The following SDK1 variants were observed in gnomAD, a reference collection of about 807,000 sequenced individuals.
SDK1 encodes sidekick cell adhesion molecule 1.
SDK1 carries 157 observed loss-of-function variants against 245.5 expected under a neutral mutation model. That is an observed-to-expected ratio of 0.64 (90% confidence interval 0.56 to 0.73). The LOEUF (loss-of-function observed/expected upper bound fraction) is 0.73. SDK1 is among the 30% of genes least tolerant of loss of function. The probability of loss-of-function intolerance (pLI) is 0.00; values close to 1 mark genes in which losing one functional copy is unlikely to be tolerated. For synonymous variants in SDK1, 1,647 were observed against 1,278.5 expected (o/e 1.29, Z -6.15); for missense variants, 3,583 against 3,002.3 (o/e 1.19, Z -4.52).
intron 4 of SDK1, among the ~76,000 whole-genome samples, chr7:3,681,542 G>A (rs1784101334): frequency 6.6e-6 from 1 of 152,140 alleles, no homozygotes; most frequent in Non-Finnish European, 1.5e-5. Flanking sequence ...TTTTCAAAAT[G>A]ATTTTCTTAA....
At chr7:3,302,861 C>G (rs1401676046) in intron 1 of SDK1, among the ~76,000 whole-genome samples, 2 of 152,148 alleles carry the variant, frequency 1.3e-5, no homozygotes, top group East Asian at 3.8e-4. Context: ...ACTCGATATT[C>G]TGAGATTGGC....
At chr7:3,575,768 C>T (rs1371524252) in intron 1 of SDK1, among the ~76,000 whole-genome samples, 1 of 152,030 alleles carries the variant, frequency 6.6e-6, no homozygotes, top group Non-Finnish European at 1.5e-5. Flanking sequence ...TAGAAACAGG[C>T]TTCCCAGTCT....
At chr7:3,896,904 G>C (rs1583526854) in intron 5 of SDK1, among the ~76,000 whole-genome samples, 1 of 152,166 alleles carries the variant, frequency 6.6e-6, no homozygotes, top group African/African-American at 2.4e-5. Context: ...AAAGAGAAGA[G>C]GTAGAATTGA....
intron 2 of SDK1, among the ~76,000 whole-genome samples, chr7:3,634,115 G>A (rs1446295659): frequency 6.6e-6 from 1 of 152,162 alleles, no homozygotes; most frequent in Non-Finnish European, 1.5e-5. Context: ...ACCTGTAGAG[G>A]CAGGTGAGTG....
intron 20 of SDK1, among the ~76,000 whole-genome samples, chr7:4,073,895 C>T (rs7807325): frequency 0.34 from 51,454 of 152,030 alleles, 9,421 homozygotes; most frequent in African/African-American, 0.45. Context: ...CTCAGCACGG[C>T]CACAACAAGC....
At chr7:3,410,237 C>G (rs1017616186) in intron 1 of SDK1, among the ~76,000 whole-genome samples, 1 of 152,078 alleles carries the variant, frequency 6.6e-6, no homozygotes, top group Non-Finnish European at 1.5e-5. Flanking sequence ...AAATTCTACA[C>G]CTGACCTCAT....
At chr7:4,184,799 C>A (rs1400603678) in intron 35 of SDK1, among the ~76,000 whole-genome samples, 1 of 152,214 alleles carries the variant, frequency 6.6e-6, no homozygotes, top group Non-Finnish European at 1.5e-5. Context: ...TTAACTCCTG[C>A]ACTGGAAGAG....
intron 1 of SDK1, among the ~76,000 whole-genome samples, chr7:3,366,104 T>C (rs937974853): frequency 2.6e-5 from 4 of 151,770 alleles, no homozygotes; most frequent in African/African-American, 9.7e-5. Context: ...TCGATGTTAA[T>C]AGTGGTTTAT....
At chr7:3,639,157 C>T (rs748561909) in intron 3 of SDK1, 47 bp downstream of exon 3, 26 of 1,048,326 alleles carry the variant, frequency 2.5e-5, no homozygotes, top group East Asian at 1.3e-4. Context: ...AACAAAGTGT[C>T]GCTGGGGAGT....
chr7:3,627,143 C>G (rs74756425), intron 2 of SDK1, among the ~76,000 whole-genome samples: 5,628 of 152,072 alleles, frequency 0.037, 277 homozygotes, highest in African/African-American at 0.11. Context: ...TGCCGAGGCT[C>G]GTCTCAAACT....
At chr7:3,885,165 G>A (rs907816257) in intron 5 of SDK1, among the ~76,000 whole-genome samples, 1 of 152,186 alleles carries the variant, frequency 6.6e-6, no homozygotes, top group African/African-American at 2.4e-5. Context: ...CAACGCGAGG[G>A]CTGTGGGTCC....
At chr7:3,509,826 A>G (rs142202569) in intron 1 of SDK1, among the ~76,000 whole-genome samples, 115 of 152,336 alleles carry the variant, frequency 7.5e-4, no homozygotes, top group African/African-American at 2.7e-3. Context: ...ATGAGTACTT[A>G]GAGTCTAAAT....
chr7:4,100,658 C>T (rs1782475465), intron 22 of SDK1, among the ~76,000 whole-genome samples: 1 of 152,180 alleles, frequency 6.6e-6, no homozygotes, highest in Non-Finnish European at 1.5e-5. Flanking sequence ...CCCACCCAGG[C>T]TGACCCCCTG....
intron 5 of SDK1, among the ~76,000 whole-genome samples, chr7:3,858,420 T>C (rs567543294): frequency 1.3e-5 from 2 of 151,984 alleles, no homozygotes; most frequent in African/African-American, 2.4e-5. Context: ...ACTTTATATA[T>C]TTTATTACTA....
chr7:3,432,892 A>G (rs927931214), intron 1 of SDK1, among the ~76,000 whole-genome samples: 4 of 152,358 alleles, frequency 2.6e-5, no homozygotes, highest in South Asian at 2.1e-4. Flanking sequence ...GAAGAATTTC[A>G]TGGCTGAGCC....
At chr7:3,443,225 T>C (rs1372546530) in intron 1 of SDK1, among the ~76,000 whole-genome samples, 2 of 152,102 alleles carry the variant, frequency 1.3e-5, no homozygotes, top group African/African-American at 4.8e-5. Flanking sequence ...GATAGCATTG[T>C]ACTAATTAAC....
intron 5 of SDK1, among the ~76,000 whole-genome samples, chr7:3,948,179 C>T (rs1408530683): frequency 6.6e-6 from 1 of 151,160 alleles, no homozygotes; most frequent in Non-Finnish European, 1.5e-5. Flanking sequence ...CCTATATAAC[C>T]TTGACCTTGT....
intron 1 of SDK1, among the ~76,000 whole-genome samples, chr7:3,362,051 G>A (rs530872772): frequency 6.6e-6 from 1 of 152,264 alleles, no homozygotes; most frequent in South Asian, 2.1e-4. Context: ...TTTAAAGCAG[G>A]ATAGAAAGGA....
intron 22 of SDK1, among the ~76,000 whole-genome samples, chr7:4,086,333 C>A (rs577500943): frequency 1.3e-5 from 2 of 152,196 alleles, no homozygotes; most frequent in Admixed American, 6.5e-5. Flanking sequence ...GTGGCTGATA[C>A]AACATACATG....
Sources: allele counts gnomAD v4.1 joint callset (sites outside exome capture counted in the v4.1 genomes callset), GRCh38; gene constraint gnomAD v4.1.1; transcripts MANE v1.5; gene names NCBI Gene and HGNC (gene_info 2026-07-23, HGNC 2026-07-21).